FARS2: variants seen among roughly 807,000 people sequenced by gnomAD.
FARS2 encodes the protein phenylalanine--tRNA ligase, mitochondrial.
FARS2 carries 40 observed loss-of-function variants against 46.4 expected under a neutral mutation model. That is an observed-to-expected ratio of 0.86 (90% confidence interval 0.67 to 1.12). FARS2 has a LOEUF of 1.12. FARS2 is among the 50% of genes most tolerant of loss of function. The probability of loss-of-function intolerance (pLI) is 0.00; values close to 1 mark genes in which losing one functional copy is unlikely to be tolerated. For missense variants in FARS2, 513 were observed against 567.9 expected (o/e 0.90, Z 0.98); for synonymous variants, 234 against 214.9 (o/e 1.09, Z -0.78).
At chr6:5,344,302 C>T (rs1228016624) in intron 1 of FARS2, among the ~76,000 whole-genome samples, 1 of 152,150 alleles carries the variant, frequency 6.6e-6, no homozygotes, top group Non-Finnish European at 1.5e-5. Flanking sequence ...CACACAGGCC[C>T]AGAGAGGAAG....
intron 3 of FARS2, among the ~76,000 whole-genome samples, chr6:5,407,602 GT>G (rs557535159): frequency 0.021 from 3,087 of 147,156 alleles, 38 homozygotes; most frequent in Middle Eastern, 0.034. Context: ...GATTTATAAT[GT>G]TTTTTTTTTT....
chr6:5,312,063 T>C (rs1769114949), intron 1 of FARS2, among the ~76,000 whole-genome samples: 1 of 152,224 alleles, frequency 6.6e-6, no homozygotes, highest in African/African-American at 2.4e-5. Flanking sequence ...TGATTTCTAA[T>C]GAACTTTTTA....
At chr6:5,386,243 A>C (rs1760126517) in intron 2 of FARS2, among the ~76,000 whole-genome samples, 1 of 152,120 alleles carries the variant, frequency 6.6e-6, no homozygotes, top group Admixed American at 6.5e-5. Context: ...TAGCAGATTG[A>C]AGGAATGAAG....
intron 1 of FARS2, among the ~76,000 whole-genome samples, chr6:5,319,025 G>C (rs1364356760): frequency 6.6e-6 from 1 of 152,092 alleles, no homozygotes. Flanking sequence ...TCTTCCTTAT[G>C]GTTGGGAATT....
At chr6:5,251,453 A>G in the FARS2 span, among the ~76,000 whole-genome samples, 1 of 152,138 alleles carries the variant, frequency 6.6e-6, no homozygotes, top group African/African-American at 2.4e-5. Flanking sequence ...GCTTTTGGGG[A>G]GGCCTCAGGA....
At chr6:5,324,638 C>T (rs1238102374) in intron 1 of FARS2, among the ~76,000 whole-genome samples, 1 of 151,940 alleles carries the variant, frequency 6.6e-6, no homozygotes, top group Admixed American at 6.6e-5. Flanking sequence ...TTTCCATTTA[C>T]CAATGTATGA....
chr6:5,620,025 T>C (rs1775682801), intron 6 of FARS2, among the ~76,000 whole-genome samples: 1 of 152,114 alleles, frequency 6.6e-6, no homozygotes, highest in Admixed American at 6.5e-5. Flanking sequence ...GGCCCTTACA[T>C]AGAGAAGTTG....
At chr6:5,432,344 A>T (rs1431025669) in intron 4 of FARS2, among the ~76,000 whole-genome samples, 2 of 31,712 alleles carry the variant, frequency 6.3e-5, no homozygotes, top group Admixed American at 4.4e-4. Flanking sequence ...ATATATATAT[A>T]TATATATTAT....
chr6:5,545,272 T>C lies in FARS2; in HGVS notation c.997T>C (p.Trp333Arg), dbSNP rs1257634772. The C allele has an allele frequency of 6.2e-7, 1 of 1,614,102 alleles. No homozygotes were observed. Among genetic ancestry groups the C allele is most frequent in the Non-Finnish European group, 8.5e-7 (1 of 1,179,958 alleles). ...CGACATCCCTGATATCCGTCTCTTC[T>C]GGTGTGAGGACGAGCGCTTCCTGAA... ...LYDIPDIRLFWCEDERFLKQF... is the reference protein window; with the variant it reads ...LYDIPDIRLFRCEDERFLKQF... The change falls in exon 5 of 7, where the codon TGG becomes CGG. Residue 333 changes from tryptophan to arginine, a missense_variant. Transcript: ENST00000274680.
chr6:5,634,494 G>A (rs1776447201), intron 6 of FARS2, among the ~76,000 whole-genome samples: 1 of 152,026 alleles, frequency 6.6e-6, no homozygotes, highest in Admixed American at 6.6e-5. Flanking sequence ...TTTTTTTGTA[G>A]AGATGAGGTC....
At chr6:5,596,013 G>A (rs1774177402) in intron 5 of FARS2, among the ~76,000 whole-genome samples, 1 of 152,140 alleles carries the variant, frequency 6.6e-6, no homozygotes, top group Admixed American at 6.5e-5. Flanking sequence ...ATGGAGTTTT[G>A]TAATTTATAA....
intron 1 of FARS2, among the ~76,000 whole-genome samples, chr6:5,323,605 C>A (rs1177834779): frequency 1.3e-5 from 2 of 152,160 alleles, no homozygotes; most frequent in African/African-American, 4.8e-5. Flanking sequence ...CAGAATCTTA[C>A]CAAGATTTCT....
chr6:5,767,156 A>C (rs1322583995), intron 6 of FARS2, among the ~76,000 whole-genome samples: 1 of 151,986 alleles, frequency 6.6e-6, no homozygotes, highest in Non-Finnish European at 1.5e-5. Flanking sequence ...CCCAGATTCA[A>C]GCCATTCTTG....
Position 5,343,588 on chromosome 6 carries a change from A to G in FARS2, c.-21-24962A>G, listed in dbSNP as rs1026662861. 6.6e-6 allele frequency among the ~76,000 whole-genome samples: 1 copy of G among 152,216 alleles called. No homozygotes were observed. Among genetic ancestry groups the G allele is most frequent in the Non-Finnish European group, 1.5e-5 (1 of 68,044 alleles). ...TGGATATAAAAATATACATTTTATAACTAGAAATTGTACACATTTTTAGTT... is the reference window on the plus strand; with the variant it reads ...TGGATATAAAAATATACATTTTATAGCTAGAAATTGTACACATTTTTAGTT... On this transcript the variant is annotated intron_variant, in intron 1 of 6. Transcript: ENST00000274680. The surrounding 1 kb of genome is among the most constrained non-coding windows in gnomAD (Gnocchi z 4.5).
chr6:5,330,087 G>A (rs891364787), intron 1 of FARS2, among the ~76,000 whole-genome samples: 5 of 152,096 alleles, frequency 3.3e-5, no homozygotes, highest in Non-Finnish European at 7.4e-5. Flanking sequence ...TAGCTTCCTA[G>A]AAATTCTACG....
intron 6 of FARS2, among the ~76,000 whole-genome samples, chr6:5,763,255 T>G (rs1485153920): frequency 6.6e-6 from 1 of 152,084 alleles, no homozygotes; most frequent in Non-Finnish European, 1.5e-5. Flanking sequence ...AGTTTGAGAT[T>G]GGCCTGGGCA....
intron 4 of FARS2, among the ~76,000 whole-genome samples, chr6:5,491,994 C>T (rs935009755): frequency 4.6e-5 from 7 of 151,984 alleles, no homozygotes; most frequent in Admixed American, 1.3e-4. Flanking sequence ...AATTCAGTAA[C>T]CAAACTTCTT....
At chr6:5,702,871 G>A (rs549367467) in intron 6 of FARS2, among the ~76,000 whole-genome samples, 2 of 152,280 alleles carry the variant, frequency 1.3e-5, no homozygotes, top group African/African-American at 4.8e-5. Flanking sequence ...AGGGTCTTGG[G>A]GGGACTTATC....
intron 4 of FARS2, among the ~76,000 whole-genome samples, chr6:5,455,028 T>C (rs1234660348): frequency 6.6e-6 from 1 of 152,220 alleles, no homozygotes; most frequent in Non-Finnish European, 1.5e-5. Context: ...GCAAGTGCCC[T>C]GAGGACAAGG....
Sources: allele counts gnomAD v4.1 joint callset (sites outside exome capture counted in the v4.1 genomes callset), GRCh38; gene constraint gnomAD v4.1.1; non-coding constraint Gnocchi (gnomAD v3.1); transcripts MANE v1.5; gene names NCBI Gene and HGNC (gene_info 2026-07-23, HGNC 2026-07-21).